Variants in TENM1 observed in about 807,000 individuals in gnomAD.
The protein encoded by TENM1 is teneurin-1.
A neutral mutation model predicts 174.8 loss-of-function variants in TENM1; 35 were observed. The observed-to-expected ratio is 0.20, with a 90% CI of 0.15 to 0.27. The LOEUF (loss-of-function observed/expected upper bound fraction) is 0.27, where lower values mean the gene tolerates loss of function less well. Among genes scored for constraint, TENM1 ranks in the 10% least tolerant of loss-of-function variants. The probability of loss-of-function intolerance (pLI) is 1.00; values close to 1 mark genes in which losing one functional copy is unlikely to be tolerated. For synonymous variants in TENM1, 781 were observed against 798.7 expected, an observed-to-expected ratio of 0.98 and a Z score of 0.37; for missense variants, 1,633 against 2,130.1, an observed-to-expected ratio of 0.77 and a Z score of 4.59.
intron 3 of TENM1, among the ~76,000 whole-genome samples, chrX:124,781,656 A>C (rs2054914966): frequency 9.0e-6 from 1 of 111,190 alleles, no homozygotes; most frequent in Admixed American, 9.6e-5. Context: ...TGGCCCCTGA[A>C]TTCTCAGTCA....
intron 3 of TENM1, among the ~76,000 whole-genome samples, chrX:124,794,198 G>A (rs1001902592): frequency 2.7e-5 from 3 of 111,061 alleles, no homozygotes; most frequent in Non-Finnish European, 5.7e-5. Context: ...AAAAAGAACT[G>A]TAATGACTCT....
At chrX:124,606,425 A>T (rs2050158135) in intron 11 of TENM1, among the ~76,000 whole-genome samples, 1 of 111,604 alleles carries the variant, frequency 9.0e-6, no homozygotes, top group Admixed American at 9.6e-5. Flanking sequence ...AGGACTGGAA[A>T]TAAGAAGATT....
At chrX:124,698,818 C>T (rs2052708882) in intron 5 of TENM1, among the ~76,000 whole-genome samples, 1 of 111,445 alleles carries the variant, frequency 9.0e-6, no homozygotes, top group Non-Finnish European at 1.9e-5. Flanking sequence ...CTATGCTTTT[C>T]AACCTTTCTG....
At chrX:125,050,154 T>TTAG in the TENM1 span, among the ~76,000 whole-genome samples, 1 of 96,046 alleles carries the variant, frequency 1.0e-5, no homozygotes, top group Non-Finnish European at 1.9e-5. Flanking sequence ...TAGAATCTTT[T>TTAG]TATTATTATT....
At chrX:124,831,963 G>A (rs774577275) in intron 3 of TENM1, among the ~76,000 whole-genome samples, 5 of 111,280 alleles carry the variant, frequency 4.5e-5, no homozygotes, top group East Asian at 2.8e-4. Flanking sequence ...GGTACCTCTC[G>A]GCTGCTCTAG....
intron 11 of TENM1, among the ~76,000 whole-genome samples, chrX:124,572,576 C>T (rs1036239514): frequency 9.0e-6 from 1 of 110,843 alleles, no homozygotes; most frequent in Admixed American, 9.6e-5. Context: ...TATTGGAAAT[C>T]TTAGTCAGCA....
intron 3 of TENM1, among the ~76,000 whole-genome samples, chrX:124,834,154 A>G (rs1201528524): frequency 9.0e-6 from 1 of 111,589 alleles, no homozygotes; most frequent in Non-Finnish European, 1.9e-5. Context: ...TAGTCAATCC[A>G]TAGTGTATTT....
exon 32 of TENM1, chrX:124,377,760 G>A (rs1267665241): frequency 8.9e-6 from 1 of 111,840 alleles, no homozygotes; most frequent in Non-Finnish European, 1.9e-5. Flanking sequence ...TGCAGTGTCA[G>A]CCATCTGTCT....
the TENM1 span, among the ~76,000 whole-genome samples, chrX:125,093,987 A>T: frequency 1.8e-5 from 2 of 112,023 alleles, no homozygotes; most frequent in African/African-American, 6.5e-5. Context: ...TTAAAATACA[A>T]TAAGACTCTT....
chrX:124,609,764 G>GA (rs903863303), intron 11 of TENM1, among the ~76,000 whole-genome samples: 8 of 111,488 alleles, frequency 7.2e-5, no homozygotes, highest in Non-Finnish European at 1.1e-4. Flanking sequence ...CTAGAGTACA[G>GA]AAAAAAGCAC....
chrX:124,397,153 G>A (rs1207282132), intron 27 of TENM1, among the ~76,000 whole-genome samples: 2 of 111,708 alleles, frequency 1.8e-5, no homozygotes, highest in African/African-American at 6.5e-5. Flanking sequence ...AAATGAAAAG[G>A]CCTGTAAAAA....
At chrX:124,978,077 G>A in the TENM1 span, among the ~76,000 whole-genome samples, 1 of 107,373 alleles carries the variant, frequency 9.3e-6, no homozygotes, top group Non-Finnish European at 1.9e-5. Context: ...CAATCTTCAA[G>A]TCAGCTGATT....
intron 6 of TENM1, among the ~76,000 whole-genome samples, chrX:124,664,546 A>AAAAAAAAAAAAC (rs1196075597): frequency 9.8e-6 from 1 of 101,628 alleles, no homozygotes; most frequent in Non-Finnish European, 2.1e-5. Flanking sequence ...AAAAAAAAAA[A>AAAAAAAAAAAAC]AAAAAAAAAA....
At chrX:125,030,199 C>T in the TENM1 span, among the ~76,000 whole-genome samples, 1 of 111,991 alleles carries the variant, frequency 8.9e-6, no homozygotes, top group Admixed American at 9.5e-5. Flanking sequence ...CACAGAATCG[C>T]AATTGGCTAG....
At chrX:124,867,001 T>C (rs1569469098) in intron 3 of TENM1, among the ~76,000 whole-genome samples, 1 of 110,886 alleles carries the variant, frequency 9.0e-6, no homozygotes. Context: ...GATGCTGTAA[T>C]AAAAAATCTC....
intron 18 of TENM1, among the ~76,000 whole-genome samples, chrX:124,504,274 T>C (rs2047396161): frequency 8.9e-6 from 1 of 112,506 alleles, no homozygotes; most frequent in Non-Finnish European, 1.9e-5. Flanking sequence ...GTGTTGCAAG[T>C]GTAAATTCCA....
At chrX:125,053,756 T>C in the TENM1 span, among the ~76,000 whole-genome samples, 1 of 111,720 alleles carries the variant, frequency 9.0e-6, no homozygotes, top group African/African-American at 3.3e-5. Context: ...ATGTATCGGC[T>C]GATGTAATAT....
At chrX:124,864,268 A>G (rs895963112) in intron 3 of TENM1, among the ~76,000 whole-genome samples, 17 of 112,297 alleles carry the variant, frequency 1.5e-4, no homozygotes, top group South Asian at 3.7e-4. Context: ...CCAGAGACCA[A>G]TCTTGGAGAA....
intron 1 of TENM1, among the ~76,000 whole-genome samples, chrX:124,947,137 C>G (rs780817718): frequency 2.7e-5 from 3 of 111,618 alleles, no homozygotes; most frequent in African/African-American, 9.7e-5. Flanking sequence ...AGAACACTGT[C>G]CCTTGGCCAT....
Sources: gnomAD v4.1 joint callset for allele counts (sites outside exome capture counted in the v4.1 genomes callset) on GRCh38, gnomAD v4.1.1 for gene constraint, MANE v1.5 for transcripts, NCBI Gene and HGNC (gene_info 2026-07-23, HGNC 2026-07-21) for gene names.